Variants in NBEA observed in about 807,000 individuals in gnomAD.
NBEA encodes the protein lysosomal-trafficking regulator 2.
Under a neutral mutation model 343.4 loss-of-function variants are expected in NBEA, and 44 were observed. The ratio of observed to expected loss-of-function variants is 0.13; its 90% CI spans 0.10 to 0.16. The LOEUF (loss-of-function observed/expected upper bound fraction) is 0.16, where lower values mean the gene tolerates loss of function less well. NBEA is among the 10% of genes least tolerant of loss of function. NBEA has a pLI of 1.00. For synonymous variants in NBEA, 1,175 were observed against 1,238.7 expected, an observed-to-expected ratio of 0.95 and a Z score of 1.08; for missense variants, 2,555 against 3,631.3, an observed-to-expected ratio of 0.70 and a Z score of 7.62.
chr13:35,216,262 G>T (rs2152757478), intron 33 of NBEA, among the ~76,000 whole-genome samples: 1 of 151,734 alleles, frequency 6.6e-6, no homozygotes, highest in Admixed American at 6.6e-5. Context: ...TGGAAACTGA[G>T]ATTGAGTGTC....
chr13:35,213,400 T>C (rs1449521900), intron 33 of NBEA, among the ~76,000 whole-genome samples: 1 of 150,868 alleles, frequency 6.6e-6, no homozygotes, highest in African/African-American at 2.4e-5. Flanking sequence ...CCTGTTATTT[T>C]TCCTCAAGAA....
intron 31 of NBEA, among the ~76,000 whole-genome samples, chr13:35,198,041 A>T (rs965161643): frequency 3.3e-5 from 5 of 152,302 alleles, no homozygotes; most frequent in Admixed American, 2.0e-4. Flanking sequence ...TTAAAAAGTA[A>T]AAAATGGTAG....
At chr13:35,331,214 T>G (rs183871499) in intron 36 of NBEA, among the ~76,000 whole-genome samples, 4 of 152,156 alleles carry the variant, frequency 2.6e-5, no homozygotes, top group Admixed American at 1.3e-4. Context: ...CTTCGTGACT[T>G]ACTTTTGAGA....
intron 45 of NBEA, among the ~76,000 whole-genome samples, chr13:35,575,189 G>A (rs904905902): frequency 5.9e-5 from 9 of 151,992 alleles, no homozygotes; most frequent in African/African-American, 9.7e-5. Flanking sequence ...CTTTATTATC[G>A]TTTCATGACT....
chr13:35,232,353 C>T, intron 33 of NBEA, 139 bp from the exon 34 acceptor site: 1 of 616,448 alleles, frequency 1.6e-6, no homozygotes, highest in Non-Finnish European at 2.7e-6. Context: ...CAGGGTATCC[C>T]TTATACATGA....
At chr13:35,535,054 A>G (rs2078467048) in intron 41 of NBEA, among the ~76,000 whole-genome samples, 1 of 152,218 alleles carries the variant, frequency 6.6e-6, no homozygotes, top group Non-Finnish European at 1.5e-5. Flanking sequence ...AACCCTGGAA[A>G]TACTGTTTTC....
At chr13:35,427,996 G>T (rs2044822126) in intron 38 of NBEA, among the ~76,000 whole-genome samples, 1 of 152,186 alleles carries the variant, frequency 6.6e-6, no homozygotes, top group Non-Finnish European at 1.5e-5. Flanking sequence ...CGCAGTATTA[G>T]GGTGGGAGTG....
intron 38 of NBEA, among the ~76,000 whole-genome samples, chr13:35,398,239 T>C (rs1318803790): frequency 1.3e-5 from 2 of 152,158 alleles, no homozygotes; most frequent in Non-Finnish European, 2.9e-5. Flanking sequence ...TTCCACTATA[T>C]CTGCAGTGAT....
At chr13:35,132,090 A>G (rs1336904317) in intron 17 of NBEA, among the ~76,000 whole-genome samples, 1 of 152,182 alleles carries the variant, frequency 6.6e-6, no homozygotes, top group Non-Finnish European at 1.5e-5. Context: ...CATACTTAGG[A>G]ATGTATCCAA....
At chr13:35,326,714 C>A (rs571444757) in intron 36 of NBEA, among the ~76,000 whole-genome samples, 68 of 152,018 alleles carry the variant, frequency 4.5e-4, no homozygotes, top group African/African-American at 1.5e-3. Flanking sequence ...TGTCCCGTTC[C>A]AGTTCTCAAG....
chr13:35,320,881 T>C (rs552634541), intron 36 of NBEA, among the ~76,000 whole-genome samples: 29 of 152,016 alleles, frequency 1.9e-4, no homozygotes, highest in Non-Finnish European at 4.1e-4. Context: ...CTTGATGTAT[T>C]CGGCTATTGA....
At chr13:35,563,283 G>GA (rs2079970240) in intron 44 of NBEA, among the ~76,000 whole-genome samples, 2 of 151,342 alleles carry the variant, frequency 1.3e-5, no homozygotes, top group African/African-American at 4.9e-5. Context: ...CTATCCTAAA[G>GA]AAAAAACAAA....
intron 13 of NBEA, among the ~76,000 whole-genome samples, chr13:35,114,832 A>T (rs1319704356): frequency 1.3e-5 from 2 of 152,166 alleles, no homozygotes; most frequent in African/African-American, 4.8e-5. Context: ...ATATAGTAGA[A>T]TGTAAGGTTC....
chr13:35,229,437 CA>C, intron 33 of NBEA, among the ~76,000 whole-genome samples: 1 of 152,252 alleles, frequency 6.6e-6, no homozygotes, highest in Middle Eastern at 3.4e-3. Flanking sequence ...GTTTTTCTTA[CA>C]AAAATAATTT....
At chr13:35,559,998 T>C (rs2079788125) in intron 44 of NBEA, among the ~76,000 whole-genome samples, 1 of 151,532 alleles carries the variant, frequency 6.6e-6, no homozygotes, top group African/African-American at 2.4e-5. Context: ...TAGTAAATAA[T>C]AGTTTATGAC....
At chr13:35,182,676 A>G in intron 29 of NBEA, 148 bp downstream of exon 29, 1 of 708,240 alleles carries the variant, frequency 1.4e-6, no homozygotes, top group South Asian at 2.1e-5. Context: ...AGTATTCCTT[A>G]ATTCAACAAA....
intron 38 of NBEA, among the ~76,000 whole-genome samples, chr13:35,431,105 T>C (rs375832832): frequency 6.6e-6 from 1 of 151,768 alleles, no homozygotes; most frequent in Non-Finnish European, 1.5e-5. Context: ...AATCCATAGC[T>C]TTTTTTTGAA....
chr13:35,106,755 A>G (rs2065936850), intron 11 of NBEA, among the ~76,000 whole-genome samples: 1 of 151,814 alleles, frequency 6.6e-6, no homozygotes, highest in East Asian at 1.9e-4. Flanking sequence ...TGCGAAAACA[A>G]TGGCCCCCTC....
chr13:35,656,630 T>C (rs1211056541), intron 55 of NBEA, among the ~76,000 whole-genome samples: 1 of 152,216 alleles, frequency 6.6e-6, no homozygotes, highest in Non-Finnish European at 1.5e-5. Flanking sequence ...ATTAAATGAC[T>C]GAAGAGCTGG....
Sources: allele counts gnomAD v4.1 joint callset (sites outside exome capture counted in the v4.1 genomes callset), GRCh38; gene constraint gnomAD v4.1.1; transcripts MANE v1.5; gene names NCBI Gene and HGNC (gene_info 2026-07-23, HGNC 2026-07-21).